STAG1: variants seen among roughly 807,000 people sequenced by gnomAD.
STAG1 encodes the protein cohesin subunit SA-1.
In STAG1, 26 loss-of-function variants were observed where a neutral mutation model predicts 170.9. That is an observed-to-expected ratio of 0.15 (90% CI 0.11 to 0.21). STAG1 has a LOEUF of 0.21. STAG1 is among the 10% of genes least tolerant of loss of function. The pLI is 1.00. For synonymous variants in STAG1, 514 were observed against 497.7 expected, an observed-to-expected ratio of 1.03 and a Z score of -0.44; for missense variants, 964 against 1,509.5, an observed-to-expected ratio of 0.64 and a Z score of 5.99.
At chr3:136,385,452 A>G (rs2086846088) in intron 22 of STAG1, among the ~76,000 whole-genome samples, 1 of 152,092 alleles carries the variant, frequency 6.6e-6, no homozygotes, top group African/African-American at 2.4e-5. Flanking sequence ...CAGAAAACCA[A>G]CTTTTTCCTA....
chr3:136,704,204 C>T (rs938795773), intron 1 of STAG1, among the ~76,000 whole-genome samples: 4 of 151,558 alleles, frequency 2.6e-5, no homozygotes, highest in Non-Finnish European at 5.9e-5. Context: ...GAGTGCACCA[C>T]GACGCCTGGC....
intron 1 of STAG1, among the ~76,000 whole-genome samples, chr3:136,654,427 T>C (rs961463856): frequency 1.3e-5 from 2 of 152,170 alleles, no homozygotes; most frequent in Non-Finnish European, 2.9e-5. Flanking sequence ...ATGAATAACT[T>C]AACCAACAAG....
intron 6 of STAG1, among the ~76,000 whole-genome samples, chr3:136,527,714 T>C (rs1183859494): frequency 1.3e-5 from 2 of 152,210 alleles, no homozygotes; most frequent in Non-Finnish European, 2.9e-5. Flanking sequence ...ATCTTTGTGG[T>C]TTCATCTACC....
chr3:136,477,331 A>G lies in STAG1; in HGVS notation c.984T>C (p.Asn328=). 6.2e-7 allele frequency: 1 copy of G among 1,613,330 alleles called. No individual in the cohort carries two copies. Among genetic ancestry groups the G allele is most frequent in the South Asian group, 1.1e-5 (1 of 91,006 alleles). Residue 328 remains asparagine, a synonymous_variant, in exon 10 of 34, where the codon AAT becomes AAC. Coordinates refer to ENST00000383202, the MANE Select transcript of STAG1 (RefSeq NM_005862.3). ...AGCCAACATATTTTAGGTAACTGTC[A>G]TTTAGGAAGGCATCACTATACATTT... is the stretch of plus-strand genomic sequence containing the variant. ...WMKMYSDAFL[N]DSYLKYVGWT...
chr3:136,501,574 G>A (rs898268460), intron 8 of STAG1, among the ~76,000 whole-genome samples: 18 of 152,132 alleles, frequency 1.2e-4, no homozygotes, highest in African/African-American at 4.3e-4. Flanking sequence ...ACAACCTTCC[G>A]AGCGAGGATG....
At chr3:136,630,431 G>A (rs1233540794) in intron 2 of STAG1, among the ~76,000 whole-genome samples, 2 of 152,106 alleles carry the variant, frequency 1.3e-5, no homozygotes, top group Admixed American at 1.3e-4. Context: ...TAAGATAGGT[G>A]ACACCAAACT....
chr3:136,662,006 G>A (rs1452225371), intron 1 of STAG1, among the ~76,000 whole-genome samples: 1 of 152,118 alleles, frequency 6.6e-6, no homozygotes, highest in African/African-American at 2.4e-5. Context: ...AAGTAAATAT[G>A]GTTTGCAACC....
At chr3:136,546,811 A>G (rs1936173861) in intron 5 of STAG1, among the ~76,000 whole-genome samples, 2 of 152,244 alleles carry the variant, frequency 1.3e-5, no homozygotes, top group Admixed American at 1.3e-4. Context: ...CTCCAGTTAC[A>G]TAATTTAAGA....
At chr3:136,539,336 A>T (rs763120285) in intron 6 of STAG1, among the ~76,000 whole-genome samples, 7 of 152,232 alleles carry the variant, frequency 4.6e-5, no homozygotes, top group Non-Finnish European at 1.0e-4. Context: ...GGATAAATTT[A>T]GAGAAGTACA....
rs74822639 is a variant in STAG1, at chr3:136,534,524, T to G, written c.471+7595A>C. On this transcript the variant is annotated intron_variant, in intron 6 of 33. Transcript: ENST00000383202. The stretch of plus-strand genomic sequence containing the variant: ...GCAAACTATTCATCCAACAGAAGAC[T>G]AATACTGAAAATAAACAACTCAACA... 7.1e-4 allele frequency among the ~76,000 whole-genome samples: 107 copies of G among 151,754 alleles called. 2 individuals carry two copies. In the East Asian group the frequency reaches 0.02, roughly 28 times the overall value.
chr3:136,742,925 A>G (rs530057497), intron 1 of STAG1, among the ~76,000 whole-genome samples: 1 of 152,298 alleles, frequency 6.6e-6, no homozygotes, highest in African/African-American at 2.4e-5. Context: ...ATAACCTAAA[A>G]TTTCACTTTA....
intron 6 of STAG1, among the ~76,000 whole-genome samples, chr3:136,540,548 A>G (rs2107724091): frequency 6.6e-6 from 1 of 152,178 alleles, no homozygotes; most frequent in South Asian, 2.1e-4. Context: ...TTGGCCAGGC[A>G]TGGTGGCTCA....
intron 8 of STAG1, among the ~76,000 whole-genome samples, chr3:136,500,725 T>C (rs1933416906): frequency 6.6e-6 from 1 of 152,212 alleles, no homozygotes; most frequent in Non-Finnish European, 1.5e-5. Context: ...TATCCAAACA[T>C]TACTCTGCAT....
At chr3:136,485,594 T>TA (rs2089992894) in intron 9 of STAG1, among the ~76,000 whole-genome samples, 1 of 152,178 alleles carries the variant, frequency 6.6e-6, no homozygotes, top group East Asian at 1.9e-4. Context: ...GGGGACAATA[T>TA]AATGAATAAC....
intron 1 of STAG1, among the ~76,000 whole-genome samples, chr3:136,730,430 T>C (rs1240267579): frequency 6.6e-6 from 1 of 152,182 alleles, no homozygotes; most frequent in Non-Finnish European, 1.5e-5. Flanking sequence ...TCAACCACTT[T>C]CCAGCTATGT....
intron 1 of STAG1, among the ~76,000 whole-genome samples, chr3:136,660,242 G>A (rs1044347848): frequency 6.6e-6 from 1 of 151,894 alleles, no homozygotes; most frequent in African/African-American, 2.4e-5. Flanking sequence ...AGCTACCCAG[G>A]GTTTACCAGT....
At chr3:136,402,232 G>T (rs112594152) in intron 21 of STAG1, among the ~76,000 whole-genome samples, 114 of 150,786 alleles carry the variant, frequency 7.6e-4, no homozygotes, top group African/African-American at 9.0e-4. Context: ...TAATTTTTTT[G>T]GGGGGGACAG....
chr3:136,490,703 AATCT>A (rs1226481254), intron 9 of STAG1, among the ~76,000 whole-genome samples: 4 of 152,236 alleles, frequency 2.6e-5, no homozygotes, highest in Non-Finnish European at 5.9e-5. Context: ...GTTCAGAATA[AATCT>A]ATTATGGTAT....
chr3:136,721,190 A>G (rs1372338852), intron 1 of STAG1, among the ~76,000 whole-genome samples: 1 of 152,232 alleles, frequency 6.6e-6, no homozygotes, highest in African/African-American at 2.4e-5. Context: ...TTCAAAAAAG[A>G]TAATAAGCTT....
Sources: allele counts gnomAD v4.1 joint callset (sites outside exome capture counted in the v4.1 genomes callset), GRCh38; gene constraint gnomAD v4.1.1; transcripts MANE v1.5; gene names NCBI Gene and HGNC (gene_info 2026-07-23, HGNC 2026-07-21).